Variants in NR2F2 observed in about 807,000 individuals in gnomAD.
NR2F2 encodes nuclear receptor subfamily 2 group F member 2.
A neutral mutation model predicts 34.8 loss-of-function variants in NR2F2; 2 were observed. That is an observed-to-expected ratio of 0.06 (90% confidence interval 0.02 to 0.18). NR2F2 has a LOEUF of 0.18. Among genes scored for constraint, NR2F2 ranks in the 10% least tolerant of loss-of-function variants. NR2F2 has a pLI of 1.00. For missense variants in NR2F2, 300 were observed against 580.1 expected, an observed-to-expected ratio of 0.52 and a Z score of 4.96; for synonymous variants, 274 against 251.8, an observed-to-expected ratio of 1.09 and a Z score of -0.84.
chr15:96,329,419 T>C (rs1157328392), upstream of NR2F2, among the ~76,000 whole-genome samples: 1 of 152,224 alleles, frequency 6.6e-6, no homozygotes, highest in African/African-American at 2.4e-5. Flanking sequence ...GTTGTTCTTT[T>C]TGCAGTGACT....
At chr15:96,329,433 T>C (rs895533932), upstream of NR2F2, among the ~76,000 whole-genome samples, 13 of 152,188 alleles carry the variant, frequency 8.5e-5, no homozygotes, top group Admixed American at 7.9e-4. Flanking sequence ...AGTGACTTCT[T>C]GAGGTAGAAT....
At chr15:96,332,680 C>G in intron 1 of NR2F2, 133 bp downstream of exon 1, 2 of 1,447,956 alleles carry the variant, frequency 1.4e-6, no homozygotes, top group Non-Finnish European at 1.8e-6. Context: ...GGGTTTTATA[C>G]TAGAAGCGAG....
Position 96,337,683 on chromosome 15 carries a change from T to A in NR2F2, c.*61T>A. On this transcript the variant is annotated 3_prime_UTR_variant, in exon 3 of 3. Transcript: ENST00000394166. ...AGAAAAGGCAAAAGACTGGTTTGTT[T>A]GCTTAATTTCCTTCTGTTAAGAAAG... 1.3e-6 allele frequency: 2 copies of A among 1,526,244 alleles called. No individual in the cohort carries two copies. Among genetic ancestry groups the A allele is most frequent in the Admixed American group, 3.9e-5 (2 of 51,818 alleles). 94.5% of individuals were successfully genotyped at this position (1,526,244 alleles called of 1,614,324 possible).
rs1032396138 is a variant in NR2F2, at chr15:96,331,025, CTT to C, written c.-1079_-1078del. The C allele has an allele frequency of 2.4e-6, 3 of 1,228,426 alleles. No individual in the cohort carries two copies. Among genetic ancestry groups the C allele is most frequent in the Non-Finnish European group, 3.0e-6 (3 of 985,912 alleles). 76.1% of individuals were successfully genotyped at this position (1,228,426 alleles called of 1,614,324 possible). A position where few individuals can be genotyped will look rare whatever the true frequency, so the allele number is the denominator to read the frequency against. On this transcript the variant is annotated 5_prime_UTR_variant, in exon 1 of 3. Transcript: ENST00000394166. ...CTCCCCCGCCGCCGGCGAGTTGACT[CTT>C]TCCCTATGTGTGTGAGGCGGCGGCG...
At chr15:96,326,070 AAGGCTG>A, upstream of NR2F2, 1 of 587,048 alleles carries the variant, frequency 1.7e-6, no homozygotes, top group Non-Finnish European at 3.0e-6. The surrounding 1 kb of genome is among the most constrained non-coding windows in gnomAD (Gnocchi z 5.5). Flanking sequence ...AGGGTTTTCC[AAGGCTG>A]AGAGAGCCTA....
intron 1 of NR2F2, among the ~76,000 whole-genome samples, chr15:96,332,828 G>A (rs1457274820): frequency 1.3e-5 from 2 of 151,498 alleles, no homozygotes; most frequent in Non-Finnish European, 2.9e-5. Flanking sequence ...AAGGGATGGG[G>A]TGTTTGTTGT....
chr15:96,328,077 CTG>C (rs1347966723), upstream of NR2F2, among the ~76,000 whole-genome samples: 1 of 152,144 alleles, frequency 6.6e-6, no homozygotes, highest in Non-Finnish European at 1.5e-5. Flanking sequence ...TCTTCTCAGT[CTG>C]TAGTCTTGTC....
chr15:96,331,990 G>A lies in NR2F2; in HGVS notation c.-116G>A. The A allele has an allele frequency of 8.3e-7, 1 of 1,210,046 alleles. No homozygotes were observed. The highest frequency in any genetic ancestry group is 1.0e-6 in the Non-Finnish European group (1 of 973,702). The allele number at this position is 1,210,046 out of a possible 1,614,324, so 75.0% of individuals were successfully genotyped here. On this transcript the variant is annotated 5_prime_UTR_variant, in exon 1 of 3. Coordinates refer to ENST00000394166, the MANE Select transcript of NR2F2 (RefSeq NM_021005.4). ...CCGGGGCGCCCTCCCGCGCCCTCTT[G>A]CACCCTCGCACACACAAAAGGCGGC...
Position 96,331,622 on chromosome 15 carries a change from C to G in NR2F2, c.-484C>G, listed in dbSNP as rs1899146032. ...CCTCCGCCAACTCCTCGGCTGCACA[C>G]CAGCTCTAAGAGCGAGAGTGAACGA... On this transcript the variant is annotated 5_prime_UTR_variant, in exon 1 of 3. Coordinates refer to ENST00000394166, the MANE Select transcript of NR2F2 (RefSeq NM_021005.4). The G allele has an allele frequency of 2.5e-6, 3 of 1,193,260 alleles. No homozygotes were observed. The South Asian group carries it at 1.3e-4, about 51-fold the overall frequency. The allele number at this position is 1,193,260 out of a possible 1,614,324, so 73.9% of individuals were successfully genotyped here. A position where few individuals can be genotyped will look rare whatever the true frequency, so the allele number is the denominator to read the frequency against.
Position 96,331,804 on chromosome 15 carries a change from C to T in NR2F2, c.-302C>T. On this transcript the variant is annotated 5_prime_UTR_variant, in exon 1 of 3. Transcript: ENST00000394166. ...CCACTCGCTCTCCTGTCCCCTTCCC[C>T]TCCCCTCCCGGCGGAAAGCCCCCCG... 8.3e-7 allele frequency: 1 copy of T among 1,203,076 alleles called. No homozygotes were observed. The highest frequency in any genetic ancestry group is 1.0e-6 in the Non-Finnish European group (1 of 969,382). The allele number at this position is 1,203,076 out of a possible 1,614,324, so 74.5% of individuals were successfully genotyped here. A position where few individuals can be genotyped will look rare whatever the true frequency, so the allele number is the denominator to read the frequency against.
At chr15:96,328,006 T>C (rs1899037103), upstream of NR2F2, among the ~76,000 whole-genome samples, 1 of 152,268 alleles carries the variant, frequency 6.6e-6, no homozygotes. Flanking sequence ...CTTTTTAACC[T>C]TAGACGCACA....
In NR2F2 at chr15:96,334,389, G is replaced by A. The variant is rs2141169367; in HGVS notation, c.756G>A (p.Leu252=). 6.2e-7 allele frequency: 1 copy of A among 1,614,182 alleles called. No homozygotes were observed. The highest frequency in any genetic ancestry group is 2.2e-5 in the East Asian group (1 of 44,866). ...TGCTTCGCCTCACCTGGAGCGAGCT[G>A]TTTGTGTTGAATGCGGCGCAGTGCT... ...VALLRLTWSE[L]FVLNAAQCSM... Residue 252 remains leucine, a synonymous_variant, in exon 2 of 3, where the codon CTG becomes CTA. Transcript: ENST00000394166.
At position 96,331,574 on chromosome 15, in the gene NR2F2, TTCCTCCTCC is replaced by T. The variant is rs75102826; in HGVS notation, c.-513_-505del. 0.013 allele frequency: 15,380 copies of T among 1,190,936 alleles called. 1,417 individuals are homozygous for T. The African/African-American group carries it at 0.21, about 16-fold the overall frequency. 73.8% of individuals were successfully genotyped at this position (1,190,936 alleles called of 1,614,324 possible). On this transcript the variant is annotated 5_prime_UTR_variant, in exon 1 of 3. Transcript: ENST00000394166. ...CCTCCTCCTTCACCACCACCTCCTCTTCCTCCTCCTCCTCCTCCTCCTCCTCCGCCAACT... is the reference window on the plus strand; with the variant it reads ...CCTCCTCCTTCACCACCACCTCCTCTTCCTCCTCCTCCTCCTCCGCCAACT...
At chr15:96,333,766 GAAT>G in intron 1 of NR2F2, 1 of 1,362,418 alleles carries the variant, frequency 7.3e-7, no homozygotes, top group Non-Finnish European at 9.4e-7. Flanking sequence ...GATGCCCTCA[GAAT>G]GCTACATCCC....
chr15:96,337,182 T>A (rs1461895729), intron 2 of NR2F2, among the ~76,000 whole-genome samples, 166 bp from the exon 3 acceptor site: 1 of 150,972 alleles, frequency 6.6e-6, no homozygotes, highest in African/African-American at 2.4e-5. Flanking sequence ...AAGTTTTCAG[T>A]ACATAGACAT....
upstream of NR2F2, among the ~76,000 whole-genome samples, chr15:96,328,413 TGAA>T (rs1899046660): frequency 1.3e-5 from 2 of 152,348 alleles, no homozygotes; most frequent in South Asian, 4.1e-4. Flanking sequence ...GGAGGTGAGA[TGAA>T]GATTTCCCTA....
chr15:96,331,894 A>G lies in NR2F2; in HGVS notation c.-212A>G. 1.3e-5 allele frequency: 16 copies of G among 1,207,000 alleles called. No individual in the cohort carries two copies. Among genetic ancestry groups the G allele is most frequent in the African/African-American group, 1.6e-5 (1 of 63,562 alleles). 74.8% of individuals were successfully genotyped at this position (1,207,000 alleles called of 1,614,324 possible). A position where few individuals can be genotyped will look rare whatever the true frequency, so the allele number is the denominator to read the frequency against. Reference sequence around the variant, plus strand: ...ACACACCGGGCCAGACAAGCCATCGACAAAACTTTGCAAAAGCAAAAACAA... The same window carrying G: ...ACACACCGGGCCAGACAAGCCATCGGCAAAACTTTGCAAAAGCAAAAACAA... On this transcript the variant is annotated 5_prime_UTR_variant, in exon 1 of 3. Coordinates refer to ENST00000394166, the MANE Select transcript of NR2F2 (RefSeq NM_021005.4).
chr15:96,334,789 G>A (rs1170743080), intron 2 of NR2F2, among the ~76,000 whole-genome samples, 186 bp downstream of exon 2: 2 of 152,284 alleles, frequency 1.3e-5, no homozygotes, highest in Non-Finnish European at 2.9e-5. Flanking sequence ...GAGAGGAGAG[G>A]AAGGCTGGAT....
upstream of NR2F2, chr15:96,326,074 C>A (rs762892252): frequency 1.2e-5 from 7 of 591,720 alleles, no homozygotes; most frequent in Non-Finnish European, 2.1e-5. The surrounding 1 kb of genome is among the most constrained non-coding windows in gnomAD (Gnocchi z 5.5). Context: ...TTTTCCAAGG[C>A]TGAGAGAGCC....
Sources: gnomAD v4.1 joint callset for allele counts (sites outside exome capture counted in the v4.1 genomes callset) on GRCh38, gnomAD v4.1.1 for gene constraint, Gnocchi (gnomAD v3.1) non-coding constraint, MANE v1.5 for transcripts, NCBI Gene and HGNC (gene_info 2026-07-23, HGNC 2026-07-21) for gene names.